The following SHROOM4 variants were observed in gnomAD, a reference collection of about 807,000 sequenced individuals.
SHROOM4 encodes the protein protein Shroom4.
In SHROOM4, 17 loss-of-function variants were observed where a neutral mutation model predicts 80.3. The observed-to-expected ratio is 0.21, with a 90% CI of 0.14 to 0.32. The LOEUF is 0.32. Among genes scored for constraint, SHROOM4 ranks in the 10% least tolerant of loss-of-function variants. The pLI is 1.00. For missense variants in SHROOM4, 993 were observed against 1,140.3 expected (o/e 0.87, Z 1.86); for synonymous variants, 400 against 437.5 (o/e 0.91, Z 1.07).
intron 1 of SHROOM4, among the ~76,000 whole-genome samples, chrX:50,800,263 G>A (rs982872937): frequency 8.9e-6 from 1 of 111,885 alleles, no homozygotes; most frequent in Non-Finnish European, 1.9e-5. Context: ...TACCAATCAC[G>A]GAGTAAAAAA....
chrX:50,653,316 T>C (rs1447495037), intron 2 of SHROOM4, among the ~76,000 whole-genome samples: 1 of 111,618 alleles, frequency 9.0e-6, no homozygotes, highest in East Asian at 2.8e-4. Flanking sequence ...TATTTTATTC[T>C]CTTTGTAGCA....
At chrX:50,782,414 A>G (rs1424563621) in intron 1 of SHROOM4, among the ~76,000 whole-genome samples, 2 of 110,986 alleles carry the variant, frequency 1.8e-5, no homozygotes, top group Non-Finnish European at 3.8e-5. Flanking sequence ...AAATAGGAGG[A>G]GGGCCCAAAA....
At chrX:50,600,470 A>C (rs1929343383) in intron 7 of SHROOM4, among the ~76,000 whole-genome samples, 1 of 112,096 alleles carries the variant, frequency 8.9e-6, no homozygotes, top group Non-Finnish European at 1.9e-5. Context: ...ACATCTAAAA[A>C]ATAAGATAAC....
downstream of SHROOM4, among the ~76,000 whole-genome samples, chrX:50,586,646 T>C (rs893789682): frequency 8.9e-6 from 1 of 111,986 alleles, no homozygotes; most frequent in Non-Finnish European, 1.9e-5. Context: ...AAGATTTCCA[T>C]GTGACATGAA....
chrX:50,664,465 T>A (rs1557260187), intron 2 of SHROOM4, among the ~76,000 whole-genome samples: 3 of 111,929 alleles, frequency 2.7e-5, no homozygotes. Context: ...AGAAAGTACC[T>A]TTGTGTCCCC....
intron 2 of SHROOM4, among the ~76,000 whole-genome samples, chrX:50,645,543 T>A (rs1931797921): frequency 9.0e-6 from 1 of 111,378 alleles, no homozygotes; most frequent in Admixed American, 9.6e-5. Flanking sequence ...GGAGAAAGGG[T>A]GCGAAGATGA....
chrX:50,711,781 A>G (rs1245944479), intron 1 of SHROOM4, among the ~76,000 whole-genome samples: 1 of 112,587 alleles, frequency 8.9e-6, no homozygotes, highest in African/African-American at 3.2e-5. Context: ...AATTTAAAAC[A>G]TTCTGTTATA....
intron 1 of SHROOM4, among the ~76,000 whole-genome samples, chrX:50,741,629 A>T (rs782597268): frequency 9.0e-6 from 1 of 111,226 alleles, no homozygotes; most frequent in Admixed American, 9.6e-5. Flanking sequence ...ATAGTATCTC[A>T]CTGTGGTTTC....
chrX:50,781,945 A>G (rs1304324170), intron 1 of SHROOM4, among the ~76,000 whole-genome samples: 2 of 111,808 alleles, frequency 1.8e-5, no homozygotes, highest in African/African-American at 6.5e-5. Context: ...GTAGCGGCTC[A>G]TACCTGTAAT....
intron 1 of SHROOM4, among the ~76,000 whole-genome samples, chrX:50,713,466 A>C (rs1414683996): frequency 9.2e-6 from 1 of 108,341 alleles, no homozygotes; most frequent in Non-Finnish European, 1.9e-5. Flanking sequence ...CCCTGTCTCT[A>C]AAATTTTTTT....
At chrX:50,627,993 C>T (rs1162246721) in intron 4 of SHROOM4, among the ~76,000 whole-genome samples, 1 of 112,318 alleles carries the variant, frequency 8.9e-6, no homozygotes, top group Admixed American at 9.4e-5. Flanking sequence ...TGCTGTTTGC[C>T]CTGGCTCTTG....
At chrX:50,609,593 G>A (rs185215904) in intron 5 of SHROOM4, among the ~76,000 whole-genome samples, 50 of 109,938 alleles carry the variant, frequency 4.5e-4, no homozygotes, top group African/African-American at 1.6e-3. Context: ...TGAGATAACT[G>A]CAAAGCAGTG....
At chrX:50,705,590 C>T (rs945569560) in intron 1 of SHROOM4, among the ~76,000 whole-genome samples, 1 of 111,145 alleles carries the variant, frequency 9.0e-6, no homozygotes, top group East Asian at 2.9e-4. Context: ...GGTTGACCCC[C>T]TCTGATAGCA....
At chrX:50,797,072 G>T (rs1382610333) in intron 1 of SHROOM4, among the ~76,000 whole-genome samples, 2 of 98,992 alleles carry the variant, frequency 2.0e-5, no homozygotes, top group Non-Finnish European at 4.1e-5. Flanking sequence ...AGGGAAAGAA[G>T]AAACAGAGAA....
chrX:50,796,722 G>A (rs1936020985), intron 1 of SHROOM4, among the ~76,000 whole-genome samples: 1 of 110,974 alleles, frequency 9.0e-6, no homozygotes, highest in African/African-American at 3.3e-5. Flanking sequence ...ATAAGAGCTT[G>A]GAAGAGGGTA....
intron 5 of SHROOM4, among the ~76,000 whole-genome samples, chrX:50,615,071 C>T (rs1930170537): frequency 9.5e-6 from 1 of 105,548 alleles, no homozygotes; most frequent in South Asian, 4.4e-4. Context: ...AAGAGTTGTA[C>T]TGATGGTTTG....
chrX:50,670,496 A>G (rs1479827433), intron 2 of SHROOM4, among the ~76,000 whole-genome samples: 1 of 111,671 alleles, frequency 9.0e-6, no homozygotes, highest in Non-Finnish European at 1.9e-5. Flanking sequence ...CATTTTCTTT[A>G]TCCAGTCTAT....
chrX:50,678,294 T>C (rs1932880803), intron 2 of SHROOM4, among the ~76,000 whole-genome samples: 2 of 111,358 alleles, frequency 1.8e-5, no homozygotes, highest in African/African-American at 6.5e-5. Context: ...CTGATCTCAT[T>C]CTATGCAATT....
intron 2 of SHROOM4, among the ~76,000 whole-genome samples, chrX:50,653,126 G>A (rs1174633317): frequency 9.0e-6 from 1 of 111,567 alleles, no homozygotes; most frequent in Non-Finnish European, 1.9e-5. Flanking sequence ...TAACTTGATG[G>A]GGAGAGCACT....
Sources: allele counts gnomAD v4.1 joint callset (sites outside exome capture counted in the v4.1 genomes callset), GRCh38; gene constraint gnomAD v4.1.1; transcripts MANE v1.5; gene names NCBI Gene and HGNC (gene_info 2026-07-23, HGNC 2026-07-21).